Variants in NRG1 observed in about 807,000 individuals in gnomAD.
The protein encoded by NRG1 is pro-neuregulin-1, membrane-bound isoform.
In NRG1, 18 loss-of-function variants were observed where a neutral mutation model predicts 63.8. The observed-to-expected ratio is 0.28, with a 90% confidence interval of 0.19 to 0.42. The LOEUF (loss-of-function observed/expected upper bound fraction) is 0.42, where lower values mean the gene tolerates loss of function less well. Among genes scored for constraint, NRG1 ranks in the 10% least tolerant of loss-of-function variants. The probability of loss-of-function intolerance (pLI) is 1.00; values close to 1 mark genes in which losing one functional copy is unlikely to be tolerated. For synonymous variants in NRG1, 302 were observed against 301.3 expected (o/e 1.00, Z -0.02); for missense variants, 762 against 814.7 (o/e 0.94, Z 0.79).
intron 3 of NRG1, among the ~76,000 whole-genome samples, chr8:32,612,675 A>AT (rs1012950543): frequency 1.1e-4 from 17 of 151,316 alleles, no homozygotes; most frequent in African/African-American, 2.9e-4. Context: ...AAAAGTTCTG[A>AT]TTTTTTTTTC....
At chr8:32,481,813 AG>A (rs901258227) in intron 1 of NRG1, among the ~76,000 whole-genome samples, 13 of 152,324 alleles carry the variant, frequency 8.5e-5, no homozygotes, top group African/African-American at 3.1e-4. Context: ...GGATTGGATT[AG>A]GGTGGAGGAG....
chr8:32,740,638 GT>G (rs1826108476), intron 6 of NRG1, among the ~76,000 whole-genome samples: 1 of 152,258 alleles, frequency 6.6e-6, no homozygotes, highest in South Asian at 2.1e-4. Flanking sequence ...AATATAAGAT[GT>G]TTGTTGTTTA....
rs941191734 is a variant in NRG1, at chr8:32,303,681, G to A, written c.38-292147G>A. Among the ~76,000 whole-genome samples the A allele has an allele frequency of 2.3e-4, 35 of 152,142 alleles. 1 individual carries two copies. Among genetic ancestry groups the A allele is most frequent in the African/African-American group, 1.2e-4 (5 of 41,408 alleles). ...TGGTTTCGTTTTCTCATCCAATTCC[G>A]AGGAAGAAACTAAAGCTTTTTGAAA... On this transcript the variant is annotated intron_variant, in intron 1 of 10. Transcript: ENST00000519301.
chr8:31,909,024 G>A (rs142512557), intron 1 of NRG1, among the ~76,000 whole-genome samples: 3 of 152,238 alleles, frequency 2.0e-5, no homozygotes, highest in East Asian at 3.9e-4. Context: ...CAGTTGGATT[G>A]TAACCCAAAC....
At chr8:32,398,711 A>G in intron 1 of NRG1, among the ~76,000 whole-genome samples, 1 of 152,114 alleles carries the variant, frequency 6.6e-6, no homozygotes, top group East Asian at 1.9e-4. Context: ...CACTGCACCC[A>G]GCCTCTAATA....
At chr8:32,036,091 G>C (rs964866975) in intron 1 of NRG1, among the ~76,000 whole-genome samples, 4 of 152,106 alleles carry the variant, frequency 2.6e-5, no homozygotes, top group African/African-American at 9.7e-5. Context: ...TCCATATTTA[G>C]TGCTTCCTTC....
intron 1 of NRG1, among the ~76,000 whole-genome samples, chr8:32,422,610 T>C (rs1456241888): frequency 6.8e-6 from 1 of 146,652 alleles, no homozygotes; most frequent in Middle Eastern, 3.3e-3. Context: ...ATTTTGTATC[T>C]TTAAACATAT....
intron 1 of NRG1, among the ~76,000 whole-genome samples, chr8:32,536,727 C>T (rs1832007824): frequency 6.6e-6 from 1 of 151,008 alleles, no homozygotes; most frequent in Non-Finnish European, 1.5e-5. Flanking sequence ...TCGAGACCAT[C>T]CTGGCTAACA....
intron 1 of NRG1, among the ~76,000 whole-genome samples, chr8:32,594,648 T>C (rs1843057823): frequency 6.6e-6 from 1 of 152,224 alleles, no homozygotes; most frequent in Non-Finnish European, 1.5e-5. Flanking sequence ...TGTAACATTT[T>C]ATCTGCAAGT....
At chr8:32,503,007 C>T (rs1828046083) in intron 1 of NRG1, among the ~76,000 whole-genome samples, 1 of 151,960 alleles carries the variant, frequency 6.6e-6, no homozygotes, top group Non-Finnish European at 1.5e-5. Flanking sequence ...CAAAAGTAGC[C>T]GGGCGCAGTG....
intron 1 of NRG1, among the ~76,000 whole-genome samples, chr8:32,283,610 G>A (rs751434532): frequency 6.6e-6 from 1 of 152,088 alleles, no homozygotes; most frequent in African/African-American, 2.4e-5. Context: ...AGAAAGAAGG[G>A]CCATGTCAGA....
At chr8:32,109,289 A>C (rs1402450102) in intron 1 of NRG1, among the ~76,000 whole-genome samples, 2 of 152,196 alleles carry the variant, frequency 1.3e-5, no homozygotes, top group African/African-American at 4.8e-5. Context: ...GTATAGAGGC[A>C]CAATAGATCA....
At chr8:31,940,647 A>G (rs1460994879) in intron 1 of NRG1, among the ~76,000 whole-genome samples, 3 of 152,128 alleles carry the variant, frequency 2.0e-5, no homozygotes, top group African/African-American at 7.2e-5. Flanking sequence ...TTGATATACC[A>G]TTAGTGAGAT....
chr8:32,635,108 T>C (rs1420597200), intron 5 of NRG1, among the ~76,000 whole-genome samples: 1 of 152,206 alleles, frequency 6.6e-6, no homozygotes, highest in Non-Finnish European at 1.5e-5. Flanking sequence ...CTTACCACTC[T>C]AAAAATTCAA....
Position 32,754,355 on chromosome 8 carries a change from C to T in NRG1, c.692-17C>T, listed in dbSNP as rs767688443. The T allele has an allele frequency of 6.2e-7, 1 of 1,610,012 alleles. No individual in the cohort carries two copies. Among genetic ancestry groups the T allele is most frequent in the Non-Finnish European group, 8.5e-7 (1 of 1,177,050 alleles). On this transcript the variant is annotated splice_polypyrimidine_tract_variant and intron_variant, in intron 7 of 11. Transcript: ENST00000356819. The stretch of plus-strand genomic sequence containing the variant: ...TGGAAGTGACCTGTGATGACATCTG[C>T]TCTCATCCCTTTCCAGAGGCGGAGG...
chr8:32,434,750 C>T (rs35374077), intron 1 of NRG1, among the ~76,000 whole-genome samples: 8,151 of 151,864 alleles, frequency 0.054, 285 homozygotes, highest in Middle Eastern at 0.088. Context: ...CCTCCCATAT[C>T]TGGGGATTCT....
chr8:32,060,896 G>C (rs1378081016), intron 1 of NRG1, among the ~76,000 whole-genome samples: 1 of 151,860 alleles, frequency 6.6e-6, no homozygotes, highest in Non-Finnish European at 1.5e-5. Flanking sequence ...AGTTAAAATT[G>C]AGTCAAAAAG....
intron 1 of NRG1, among the ~76,000 whole-genome samples, chr8:31,673,538 A>C (rs1807373055): frequency 6.6e-6 from 1 of 152,168 alleles, no homozygotes; most frequent in African/African-American, 2.4e-5. Context: ...TACATTTAAT[A>C]AGTCATTGAG....
At chr8:32,655,152 C>A (rs1224554602) in intron 5 of NRG1, among the ~76,000 whole-genome samples, 1 of 152,186 alleles carries the variant, frequency 6.6e-6, no homozygotes, top group Non-Finnish European at 1.5e-5. Flanking sequence ...TATTTTAACT[C>A]CCTGCCTCAC....
Sources: gnomAD v4.1 joint callset for allele counts (sites outside exome capture counted in the v4.1 genomes callset) on GRCh38, gnomAD v4.1.1 for gene constraint, MANE v1.5 for transcripts, NCBI Gene and HGNC (gene_info 2026-07-23, HGNC 2026-07-21) for gene names.